The following MAPKAP1 variants were observed in gnomAD, a reference collection of about 807,000 sequenced individuals.
The protein encoded by MAPKAP1 is target of rapamycin complex 2 subunit MAPKAP1.
Under a neutral mutation model 65.7 loss-of-function variants are expected in MAPKAP1, and 20 were observed. The ratio of observed to expected loss-of-function variants is 0.30; its 90% CI spans 0.21 to 0.44. The LOEUF (loss-of-function observed/expected upper bound fraction) is 0.44, where lower values mean the gene tolerates loss of function less well. MAPKAP1 is among the 20% of genes least tolerant of loss of function. The pLI is 1.00. For missense variants in MAPKAP1, 423 were observed against 648.0 expected (o/e 0.65, Z 3.77); for synonymous variants, 222 against 244.3 (o/e 0.91, Z 0.85).
At chr9:125,562,456 T>C (rs1830920056) in intron 5 of MAPKAP1, among the ~76,000 whole-genome samples, 1 of 152,218 alleles carries the variant, frequency 6.6e-6, no homozygotes, top group Admixed American at 6.5e-5. Flanking sequence ...GGGTCATCAG[T>C]AAAGTCTAGC....
chr9:125,469,002 G>A (rs1163887403), intron 9 of MAPKAP1, among the ~76,000 whole-genome samples: 1 of 152,186 alleles, frequency 6.6e-6, no homozygotes, highest in African/African-American at 2.4e-5. Flanking sequence ...TGCTCAGCCC[G>A]CCACACACCA....
At position 125,663,715 on chromosome 9, in the gene MAPKAP1, G is replaced by A. The variant is rs191203009; in HGVS notation, c.350-5916C>T. Among the ~76,000 whole-genome samples, 17 of 152,210 alleles carry A rather than the reference G, an allele frequency of 1.1e-4. No individual in the cohort carries two copies. The East Asian group carries it at 2.5e-3, about 23-fold the overall frequency. On this transcript the variant is annotated intron_variant, in intron 3 of 11. Coordinates refer to ENST00000265960, the MANE Select transcript of MAPKAP1 (RefSeq NM_001006617.3). Reference sequence around the variant, plus strand: ...AAGGGAGGACAGAGAGAGCAGATGCGCAGAAAGAAGCCAAGACAAGATGGG... The same window carrying A: ...AAGGGAGGACAGAGAGAGCAGATGCACAGAAAGAAGCCAAGACAAGATGGG...
In MAPKAP1 at chr9:125,452,957, T is replaced by C. The variant is rs552078752; in HGVS notation, c.1346-8359A>G. Among the ~76,000 whole-genome samples, 10 of 152,280 alleles carry C rather than the reference T, an allele frequency of 6.6e-5. No homozygotes were observed. In the South Asian group the frequency reaches 1.7e-3, roughly 25 times the overall value. On this transcript the variant is annotated intron_variant, in intron 10 of 11. Coordinates refer to ENST00000265960, the MANE Select transcript of MAPKAP1 (RefSeq NM_001006617.3). ...TAAAACTGAGAAATTAAAAAATATA[T>C]ATTAACTCACTAAAATAATACACCC... is the stretch of plus-strand genomic sequence containing the variant.
rs1046156267 is a variant in MAPKAP1 at position 125,641,401 on chromosome 9, T to C, written c.498+16250A>G. Among the ~76,000 whole-genome samples, 34 of 152,184 alleles carry C rather than the reference T, an allele frequency of 2.2e-4. 1 individual carries two copies. Among genetic ancestry groups the C allele is most frequent in the Non-Finnish European group, 1.5e-5 (1 of 68,034 alleles). ...ACATTTTTTTTCAGCACTCACAGATTCTGACAGATGTCTGGTTTTTAATAA... is the reference window on the plus strand; with the variant it reads ...ACATTTTTTTTCAGCACTCACAGATCCTGACAGATGTCTGGTTTTTAATAA... On this transcript the variant is annotated intron_variant, in intron 4 of 11. Coordinates refer to ENST00000265960, the MANE Select transcript of MAPKAP1 (RefSeq NM_001006617.3).
At chr9:125,526,644 C>T (rs1277883677) in intron 7 of MAPKAP1, among the ~76,000 whole-genome samples, 4 of 152,152 alleles carry the variant, frequency 2.6e-5, no homozygotes, top group Non-Finnish European at 5.9e-5. Context: ...AGGGCGTTTT[C>T]AAATAGACAA....
At chr9:125,640,815 A>C (rs1346153186) in intron 4 of MAPKAP1, among the ~76,000 whole-genome samples, 1 of 152,230 alleles carries the variant, frequency 6.6e-6, no homozygotes, top group Non-Finnish European at 1.5e-5. Context: ...AGCTGGAAAA[A>C]GCTGAAGCTA....
intron 10 of MAPKAP1, among the ~76,000 whole-genome samples, chr9:125,457,104 T>C (rs1853201092): frequency 6.6e-6 from 1 of 151,838 alleles, no homozygotes; most frequent in Non-Finnish European, 1.5e-5. Flanking sequence ...TTCTCCTGCC[T>C]CAGCCTCATG....
intron 8 of MAPKAP1, among the ~76,000 whole-genome samples, chr9:125,505,536 C>T (rs1829114838): frequency 6.6e-6 from 1 of 152,190 alleles, no homozygotes; most frequent in African/African-American, 2.4e-5. Flanking sequence ...AAGTAGTATG[C>T]GGTATGGCAG....
intron 3 of MAPKAP1, among the ~76,000 whole-genome samples, chr9:125,664,094 C>T (rs1298867949): frequency 1.3e-5 from 2 of 152,108 alleles, no homozygotes; most frequent in Admixed American, 1.3e-4. Flanking sequence ...CACCTGTAAT[C>T]CCAGCACTCT....
chr9:125,685,293 G>A (rs1051245911), intron 1 of MAPKAP1, among the ~76,000 whole-genome samples: 3 of 152,192 alleles, frequency 2.0e-5, no homozygotes, highest in Non-Finnish European at 4.4e-5. Flanking sequence ...AAATAGTCAA[G>A]GAATGCCTCA....
intron 4 of MAPKAP1, among the ~76,000 whole-genome samples, chr9:125,603,552 T>G (rs1832365697): frequency 6.6e-6 from 1 of 152,158 alleles, no homozygotes; most frequent in South Asian, 2.1e-4. Flanking sequence ...AAGTCACTCA[T>G]GTATCAAAGT....
chr9:125,689,462 A>C (rs77961302), intron 1 of MAPKAP1, among the ~76,000 whole-genome samples: 1,147 of 104,916 alleles, frequency 0.011, 24 homozygotes, highest in South Asian at 0.014. Context: ...AAAAAAAAAA[A>C]CAGGCCAGGC....
chr9:125,658,005 A>C (rs1330221980), intron 3 of MAPKAP1, among the ~76,000 whole-genome samples: 1 of 152,204 alleles, frequency 6.6e-6, no homozygotes, highest in Non-Finnish European at 1.5e-5. Flanking sequence ...CAATTTGGAA[A>C]GAGAAGGGGT....
intron 5 of MAPKAP1, among the ~76,000 whole-genome samples, chr9:125,576,972 G>C (rs1831426282): frequency 6.6e-6 from 1 of 152,002 alleles, no homozygotes; most frequent in South Asian, 2.1e-4. Context: ...GTCTCTGCCT[G>C]GCCGCCCATC....
intron 7 of MAPKAP1, among the ~76,000 whole-genome samples, chr9:125,506,685 G>A (rs984975385): frequency 6.6e-6 from 1 of 152,238 alleles, no homozygotes; most frequent in African/African-American, 2.4e-5. Flanking sequence ...GAGTGACTAC[G>A]CCACTTCTCA....
intron 4 of MAPKAP1, among the ~76,000 whole-genome samples, chr9:125,636,412 C>G (rs1253300734): frequency 2.6e-5 from 4 of 152,194 alleles, no homozygotes; most frequent in Non-Finnish European, 1.5e-5. Flanking sequence ...GCATATATAT[C>G]AAGATACAAT....
rs1467551848 is a variant in MAPKAP1, at chr9:125,439,002, A to T, written c.1454T>A (p.Ile485Asn). The T allele has an allele frequency of 1.9e-6, 3 of 1,613,726 alleles. No individual in the cohort carries two copies. Among genetic ancestry groups the T allele is most frequent in the Middle Eastern group, 1.7e-4 (1 of 5,766 alleles). Reference protein sequence around the residue: ...VNEIVLKVNYILESRASTARA... With the variant: ...VNEIVLKVNYNLESRASTARA... Reference sequence around the variant, plus strand: ...GGCAGTGCTAGCTCGCGATTCCAGGATGTAGTTAACCTAGAAACAAGAGCA... The same window carrying T: ...GGCAGTGCTAGCTCGCGATTCCAGGTTGTAGTTAACCTAGAAACAAGAGCA... Residue 485 changes from isoleucine to asparagine, a missense_variant, in exon 12 of 12, where the codon ATC (isoleucine) becomes AAC (asparagine). Transcript: ENST00000265960. The surrounding 1 kb of genome is among the most constrained non-coding windows in gnomAD (Gnocchi z 4.0).
chr9:125,511,164 CCATCAT>C (rs3051230), intron 7 of MAPKAP1, among the ~76,000 whole-genome samples: 3,350 of 146,974 alleles, frequency 0.023, 64 homozygotes, highest in African/African-American at 0.043. Flanking sequence ...ATCATCATCA[CCATCAT>C]CATCATCATC....
In MAPKAP1 at chr9:125,585,661, T is replaced by G. The variant is rs765263850; in HGVS notation, c.565A>C (p.Arg189=). 6 of 1,614,142 alleles carry G rather than the reference T, an allele frequency of 3.7e-6. No individual in the cohort carries two copies. The highest frequency in any genetic ancestry group is 2.5e-6 in the Non-Finnish European group (3 of 1,180,056). The part of the protein sequence containing the change: ...VYLPLHSSQD[R]LLPMTVVTMA... ...GTCACCACGGTCATTGGCAGCAGTCTGTCCTGGCTCGAGTGCAGAGGGAGG... is the reference window on the plus strand; with the variant it reads ...GTCACCACGGTCATTGGCAGCAGTCGGTCCTGGCTCGAGTGCAGAGGGAGG... The change falls in exon 5 of 12, where the codon AGA becomes CGA. Residue 189 remains arginine, a synonymous_variant. Coordinates refer to ENST00000265960, the MANE Select transcript of MAPKAP1 (RefSeq NM_001006617.3).
Sources: gnomAD v4.1 joint callset for allele counts (sites outside exome capture counted in the v4.1 genomes callset) on GRCh38, gnomAD v4.1.1 for gene constraint, Gnocchi (gnomAD v3.1) non-coding constraint, MANE v1.5 for transcripts, NCBI Gene and HGNC (gene_info 2026-07-23, HGNC 2026-07-21) for gene names.